Variants in CNTLN observed in about 807,000 individuals in gnomAD.
The protein encoded by CNTLN is centlein, centrosomal protein.
Under a neutral mutation model 180.0 loss-of-function variants are expected in CNTLN, and 212 were observed. The ratio of observed to expected loss-of-function variants is 1.18; its 90% confidence interval spans 1.05 to 1.32. CNTLN has a LOEUF of 1.32. Among genes scored for constraint, CNTLN ranks in the 40% most tolerant of loss-of-function variants. The probability of loss-of-function intolerance (pLI) is 0.00; values close to 1 mark genes in which losing one functional copy is unlikely to be tolerated. For missense variants in CNTLN, 2,095 were observed against 1,610.9 expected, an observed-to-expected ratio of 1.30 and a Z score of -5.14; for synonymous variants, 722 against 563.1, an observed-to-expected ratio of 1.28 and a Z score of -3.99.
At chr9:17,316,236 GAT>G (rs1029163976) in intron 8 of CNTLN, among the ~76,000 whole-genome samples, 1 of 151,830 alleles carries the variant, frequency 6.6e-6, no homozygotes, top group Admixed American at 6.6e-5. Context: ...TATTTTGTCT[GAT>G]ATTAATATAG....
At chr9:17,454,862 T>C (rs779032911) in intron 18 of CNTLN, among the ~76,000 whole-genome samples, 8 of 152,228 alleles carry the variant, frequency 5.3e-5, no homozygotes, top group Non-Finnish European at 1.2e-4. Flanking sequence ...TTTTCACTTG[T>C]TCTTAACGTG....
chr9:17,259,253 T>C (rs892045267), intron 5 of CNTLN, among the ~76,000 whole-genome samples: 8 of 149,324 alleles, frequency 5.4e-5, no homozygotes, highest in Non-Finnish European at 8.8e-5. Context: ...TTGTCTTTGG[T>C]TCTGTTTATA....
intron 2 of CNTLN, among the ~76,000 whole-genome samples, chr9:17,155,196 G>A (rs536826877): frequency 2.6e-5 from 4 of 152,168 alleles, no homozygotes; most frequent in African/African-American, 9.7e-5. Flanking sequence ...TTTAAGAACT[G>A]TAACACTCAC....
At chr9:17,141,714 T>A (rs1341945817) in intron 1 of CNTLN, among the ~76,000 whole-genome samples, 1 of 152,100 alleles carries the variant, frequency 6.6e-6, no homozygotes, top group Non-Finnish European at 1.5e-5. Context: ...GTGAGAGTGG[T>A]CAGAATTTGC....
the CNTLN span, among the ~76,000 whole-genome samples, chr9:17,511,631 A>ATCTCTC: frequency 2.1e-5 from 3 of 143,400 alleles, no homozygotes; most frequent in African/African-American, 5.2e-5. Context: ...AACTTGCTTT[A>ATCTCTC]TCTCTCTCTC....
chr9:17,463,272 C>T (rs1387315597), intron 20 of CNTLN, among the ~76,000 whole-genome samples: 1 of 151,440 alleles, frequency 6.6e-6, no homozygotes, highest in African/African-American at 2.4e-5. Flanking sequence ...AAATTAATGG[C>T]TTCGAGACAA....
chr9:17,453,850 G>A (rs887200440), intron 18 of CNTLN, among the ~76,000 whole-genome samples: 18 of 152,168 alleles, frequency 1.2e-4, no homozygotes, highest in Non-Finnish European at 1.8e-4. Flanking sequence ...ACCAACGGGG[G>A]AATCTCCCTG....
intron 8 of CNTLN, among the ~76,000 whole-genome samples, chr9:17,314,077 C>T (rs770706759): frequency 2.0e-5 from 3 of 152,312 alleles, no homozygotes; most frequent in Middle Eastern, 3.4e-3. Flanking sequence ...CTATATTATT[C>T]AGATTAGATA....
intron 6 of CNTLN, among the ~76,000 whole-genome samples, chr9:17,289,838 G>T (rs1335245988): frequency 7.3e-6 from 1 of 136,768 alleles, no homozygotes; most frequent in African/African-American, 3.0e-5. Context: ...CCTAGTTCTC[G>T]AGCCTTGGTT....
chr9:17,474,245 C>G (rs1359219337), intron 23 of CNTLN, among the ~76,000 whole-genome samples: 3 of 152,114 alleles, frequency 2.0e-5, no homozygotes, highest in African/African-American at 7.2e-5. Context: ...ATAGGCATCT[C>G]AAACTTAACA....
chr9:17,231,784 AGTTTGGG>A (rs59964304), intron 3 of CNTLN, among the ~76,000 whole-genome samples: 43,303 of 150,896 alleles, frequency 0.29, 8,426 homozygotes, highest in African/African-American at 0.55. Flanking sequence ...TGCCTAATAG[AGTTTGGG>A]GTTTGGGCCT....
chr9:17,166,847 A>G (rs371930267), intron 2 of CNTLN: 24 of 455,536 alleles, frequency 5.3e-5, no homozygotes, highest in African/African-American at 4.1e-4. Flanking sequence ...TACCACCAAA[A>G]CGAAGAATAT....
intron 6 of CNTLN, among the ~76,000 whole-genome samples, chr9:17,276,028 G>T (rs941357684): frequency 3.9e-5 from 6 of 152,022 alleles, no homozygotes; most frequent in African/African-American, 1.4e-4. Context: ...CTACCTGTTG[G>T]ATACTATATT....
At chr9:17,425,342 G>A (rs1387339924) in intron 18 of CNTLN, among the ~76,000 whole-genome samples, 1 of 152,050 alleles carries the variant, frequency 6.6e-6, no homozygotes, top group African/African-American at 2.4e-5. Flanking sequence ...AGAGACACCC[G>A]ATTCTACTCT....
At chr9:17,334,511 A>G (rs1039101344) in intron 10 of CNTLN, among the ~76,000 whole-genome samples, 4 of 152,152 alleles carry the variant, frequency 2.6e-5, no homozygotes, top group Non-Finnish European at 4.4e-5. Flanking sequence ...GAGATTTCCT[A>G]TAAGGAATTG....
chr9:17,379,186 A>T (rs1825024532), intron 13 of CNTLN, among the ~76,000 whole-genome samples: 1 of 151,920 alleles, frequency 6.6e-6, no homozygotes, highest in Non-Finnish European at 1.5e-5. Flanking sequence ...GGCTAGTCAG[A>T]GCATAAACTA....
intron 2 of CNTLN, among the ~76,000 whole-genome samples, chr9:17,183,168 T>A (rs1186665911): frequency 1.3e-5 from 2 of 152,220 alleles, no homozygotes; most frequent in East Asian, 3.8e-4. Flanking sequence ...AGTTTGGTCA[T>A]CAGGAATTAT....
At chr9:17,497,483 C>A (rs1256934002) in intron 25 of CNTLN, among the ~76,000 whole-genome samples, 1 of 152,160 alleles carries the variant, frequency 6.6e-6, no homozygotes, top group Admixed American at 6.5e-5. Context: ...CCAAGCATCT[C>A]CCCAACCCCA....
rs992588412 is a variant in CNTLN at position 17,246,876 on chromosome 9, C to T, written c.849+10288C>T. Among the ~76,000 whole-genome samples the T allele has an allele frequency of 2.2e-5, 3 of 133,362 alleles. No individual in the cohort carries two copies. In the South Asian group the frequency reaches 9.1e-4, roughly 41 times the overall value. The allele number at this position is 133,362 out of a possible 152,430, so 87.5% of individuals were successfully genotyped here. A position where few individuals can be genotyped will look rare whatever the true frequency, so the allele number is the denominator to read the frequency against. ...AATCCTGTTGGGACCAGGTCTCTCC[C>T]TCAGAGGAGTGTTTTTTTTTTCTGG... is the stretch of plus-strand genomic sequence containing the variant. On this transcript the variant is annotated intron_variant, in intron 5 of 25. Coordinates refer to ENST00000380647, the MANE Select transcript of CNTLN (RefSeq NM_017738.4).
Sources: allele counts gnomAD v4.1 joint callset (sites outside exome capture counted in the v4.1 genomes callset), GRCh38; gene constraint gnomAD v4.1.1; transcripts MANE v1.5; gene names NCBI Gene and HGNC (gene_info 2026-07-23, HGNC 2026-07-21).